Variants in CD72 observed in about 807,000 individuals in gnomAD.
CD72 encodes B-cell differentiation antigen CD72.
Under a neutral mutation model 50.7 loss-of-function variants are expected in CD72, and 28 were observed. The observed-to-expected ratio is 0.55, with a 90% confidence interval of 0.41 to 0.76. The LOEUF (loss-of-function observed/expected upper bound fraction) is 0.76. CD72 is among the 30% of genes least tolerant of loss of function. The pLI is 0.00. For missense variants in CD72, 403 were observed against 420.6 expected (o/e 0.96, Z 0.37); for synonymous variants, 176 against 171.2 (o/e 1.03, Z -0.22).
chr9:35,638,876 G>C (rs1482994454), intron 1 of CD72, among the ~76,000 whole-genome samples: 52 of 152,100 alleles, frequency 3.4e-4, no homozygotes, highest in Admixed American at 3.4e-3. Context: ...GGCTTAAAAA[G>C]GCAGCACACA....
chr9:35,616,586 A>T lies in CD72; in HGVS notation c.352+14T>A, dbSNP rs2095858. 0.54 allele frequency: 864,879 copies of T among 1,600,880 alleles called. 236,290 individuals are homozygous for T. The highest frequency in any genetic ancestry group is 0.59 in the Middle Eastern group (3,530 of 6,016). Reference sequence around the variant, plus strand: ...CGTTCGGTGTAAGTGGGAAGTAGGGACAGCCTTACTCACAGCGCACTCCCA... The same window carrying T: ...CGTTCGGTGTAAGTGGGAAGTAGGGTCAGCCTTACTCACAGCGCACTCCCA... On this transcript the variant is annotated intron_variant, in intron 4 of 8. Transcript: ENST00000259633.
intron 1 of CD72, among the ~76,000 whole-genome samples, chr9:35,641,148 T>C (rs536264700): frequency 1.3e-5 from 2 of 152,226 alleles, no homozygotes; most frequent in South Asian, 4.2e-4. Context: ...TCCTGCTGAA[T>C]TGGGGCATAG....
At position 35,615,931 on chromosome 9, in the gene CD72, C is replaced by T. The variant is rs530781812; in HGVS notation, c.688+12G>A. The stretch of plus-strand genomic sequence containing the variant: ...CCATCCCTCCCTTCTCTCCTCTCCC[C>T]AGAGCGGATACCTGCTGAGCCGCAT... On this transcript the variant is annotated intron_variant, in intron 5 of 8. Coordinates refer to ENST00000259633, the MANE Select transcript of CD72 (RefSeq NM_001782.3). 1.2e-6 allele frequency: 2 copies of T among 1,606,028 alleles called. No individual in the cohort carries two copies. Among genetic ancestry groups the T allele is most frequent in the Non-Finnish European group, 1.7e-6 (2 of 1,174,372 alleles).
upstream of CD72, among the ~76,000 whole-genome samples, chr9:35,621,709 GAAGA>G (rs1408761294): frequency 6.6e-6 from 1 of 152,296 alleles, no homozygotes; most frequent in East Asian, 1.9e-4. Flanking sequence ...CCCATCATGG[GAAGA>G]AAGAGATTCG....
At chr9:35,630,737 T>C (rs1341173570) in intron 1 of CD72, among the ~76,000 whole-genome samples, 1 of 152,146 alleles carries the variant, frequency 6.6e-6, no homozygotes, top group Non-Finnish European at 1.5e-5. Context: ...ACTTAATCTG[T>C]GTGTTCCTCA....
At chr9:35,626,238 T>C (rs948374752) in intron 1 of CD72, among the ~76,000 whole-genome samples, 2 of 151,652 alleles carry the variant, frequency 1.3e-5, no homozygotes, top group African/African-American at 4.8e-5. Context: ...CATGGATGAC[T>C]TGGAGGAGTT....
chr9:35,622,017 G>A (rs577931107), upstream of CD72, among the ~76,000 whole-genome samples: 1 of 152,198 alleles, frequency 6.6e-6, no homozygotes, highest in Non-Finnish European at 1.5e-5. Flanking sequence ...CAAGAGTTTC[G>A]TGAACTGTGG....
At chr9:35,613,021 G>C (rs1823010624) in intron 5 of CD72, 28 bp from the exon 6 acceptor site, 1 of 1,587,072 alleles carries the variant, frequency 6.3e-7, no homozygotes, top group African/African-American at 1.3e-5. Flanking sequence ...TGTGATAGCA[G>C]CAACAGTTGG....
At chr9:35,618,559 G>A, upstream of CD72, 1 of 830,584 alleles carries the variant, frequency 1.2e-6, no homozygotes, top group Non-Finnish European at 1.9e-6. Context: ...CCAGAACACA[G>A]GGGTAGGGGA....
chr9:35,612,747 T>A (rs1280944475), intron 6 of CD72, 101 bp downstream of exon 6: 10 of 1,091,162 alleles, frequency 9.2e-6, no homozygotes, highest in Admixed American at 2.2e-5. Flanking sequence ...GGAAAAGGAA[T>A]GGCCACCCCA....
intron 1 of CD72, among the ~76,000 whole-genome samples, chr9:35,627,311 G>A (rs1823204745): frequency 6.6e-6 from 1 of 150,690 alleles, no homozygotes; most frequent in Non-Finnish European, 1.5e-5. Context: ...TGTATTTTTA[G>A]TAGAGACAGG....
chr9:35,618,848 G>A, upstream of CD72: 2 of 1,049,030 alleles, frequency 1.9e-6, no homozygotes, highest in Non-Finnish European at 2.6e-6. Flanking sequence ...TCCAGTAACT[G>A]GGGGTTCAGG....
intron 4 of CD72, 31 bp from the exon 5 acceptor site, chr9:35,616,309 T>C: frequency 6.4e-7 from 1 of 1,560,580 alleles, no homozygotes; most frequent in Non-Finnish European, 8.8e-7. Flanking sequence ...GGTGGATGTC[T>C]TCTCCAGCCC....
upstream of CD72, among the ~76,000 whole-genome samples, chr9:35,620,034 A>G: frequency 1.9e-5 from 1 of 52,752 alleles, no homozygotes; most frequent in African/African-American, 7.6e-5. Flanking sequence ...AGTGAGTGGG[A>G]GGGTATAGAG....
intron 1 of CD72, among the ~76,000 whole-genome samples, chr9:35,646,056 A>G (rs371190353): frequency 6.6e-6 from 1 of 151,912 alleles, no homozygotes; most frequent in Non-Finnish European, 1.5e-5. Flanking sequence ...GCTACTCAGG[A>G]GGCTGAGGCA....
rs549702717 is a variant in CD72 at position 35,634,643 on chromosome 9, G to A, written n.408+11760C>T. ...GCTGGGATTACAGGCGTGAGCCACC[G>A]CGGCTGGCCAAAATGTGACCTTTAG... On this transcript the variant is annotated intron_variant and non_coding_transcript_variant, in intron 1 of 3. Transcript: ENST00000465754. Among the ~76,000 whole-genome samples, 13 of 152,268 alleles carry A rather than the reference G, an allele frequency of 8.5e-5. No homozygotes were observed. In the South Asian group the frequency reaches 2.3e-3, roughly 27 times the overall value.
chr9:35,641,972 C>T (rs1207079475), intron 1 of CD72, among the ~76,000 whole-genome samples: 1 of 152,178 alleles, frequency 6.6e-6, no homozygotes, highest in Non-Finnish European at 1.5e-5. Flanking sequence ...TATATATTTA[C>T]CCTTTTCCCT....
intron 1 of CD72, among the ~76,000 whole-genome samples, chr9:35,645,788 G>A (rs1823387007): frequency 6.6e-6 from 1 of 152,082 alleles, no homozygotes; most frequent in Non-Finnish European, 1.5e-5. Flanking sequence ...CCATCTTTGA[G>A]AGACTACAGA....
chr9:35,626,056 T>C lies in CD72; in HGVS notation n.409-7935A>G, dbSNP rs545076338. 2.0e-3 allele frequency among the ~76,000 whole-genome samples: 301 copies of C among 151,858 alleles called. 2 individuals are homozygous for C. Among genetic ancestry groups the C allele is most frequent in the African/African-American group, 6.8e-3 (282 of 41,390 alleles). On this transcript the variant is annotated intron_variant and non_coding_transcript_variant, in intron 1 of 3. Transcript: ENST00000465754. ...TTGACCTTATTTAAGAAACACATTT[T>C]GTAAGGCTACAGCTGCCATAGGGAT...
Sources: allele counts gnomAD v4.1 joint callset (sites outside exome capture counted in the v4.1 genomes callset), GRCh38; gene constraint gnomAD v4.1.1; transcripts MANE v1.5; gene names NCBI Gene and HGNC (gene_info 2026-07-23, HGNC 2026-07-21).